Variants in RGS7 observed in about 807,000 individuals in gnomAD.
The protein encoded by RGS7 is regulator of G-protein signaling 7.
Under a neutral mutation model 81.1 loss-of-function variants are expected in RGS7, and 27 were observed. The ratio of observed to expected loss-of-function variants is 0.33; its 90% CI spans 0.25 to 0.46. RGS7 has a LOEUF of 0.46. Ranked by LOEUF, RGS7 falls within the 20% of genes least tolerant of loss-of-function variation. The pLI is 1.00. For missense variants in RGS7, 396 were observed against 607.4 expected (o/e 0.65, Z 3.66); for synonymous variants, 208 against 207.7 (o/e 1.00, Z -0.01).
At chr1:241,274,745 T>C (rs1278728942) in intron 2 of RGS7, among the ~76,000 whole-genome samples, 1 of 152,186 alleles carries the variant, frequency 6.6e-6, no homozygotes, top group Non-Finnish European at 1.5e-5. Flanking sequence ...TTACGGCCCA[T>C]GGAAATGCCC....
rs1044470863 is a variant in RGS7, at chr1:241,227,415, G to A, written c.78+128284C>T. ...CTCTGAGGCGGCAGGCAATTGGTAC[G>A]GAGCCTGAAAGCCCAGGACAAAGTT... On this transcript the variant is annotated intron_variant, in intron 2 of 18. Transcript: ENST00000440928. 7.2e-5 allele frequency among the ~76,000 whole-genome samples: 11 copies of A among 151,920 alleles called. No individual in the cohort carries two copies. In the East Asian group the frequency reaches 7.7e-4, roughly 11 times the overall value.
chr1:241,136,206 A>G (rs2067504584), intron 2 of RGS7, among the ~76,000 whole-genome samples: 1 of 152,202 alleles, frequency 6.6e-6, no homozygotes, highest in Non-Finnish European at 1.5e-5. Context: ...TCAATTAAAA[A>G]ACATGTATAG....
intron 2 of RGS7, among the ~76,000 whole-genome samples, chr1:241,303,142 G>C (rs1254842835): frequency 4.6e-5 from 7 of 152,142 alleles, no homozygotes; most frequent in Non-Finnish European, 1.0e-4. Context: ...TTGCGTCCCT[G>C]CCCAAAGTTC....
chr1:241,055,186 G>A (rs1415923788), intron 3 of RGS7, among the ~76,000 whole-genome samples: 3 of 152,210 alleles, frequency 2.0e-5, no homozygotes, highest in Non-Finnish European at 4.4e-5. Context: ...GCAGACATCA[G>A]TTGGATGTCC....
chr1:241,005,013 C>A (rs1014642978), intron 3 of RGS7, among the ~76,000 whole-genome samples: 1 of 152,100 alleles, frequency 6.6e-6, no homozygotes. Context: ...GTGGTAAGTG[C>A]TAGGACAGAC....
intron 2 of RGS7, among the ~76,000 whole-genome samples, chr1:241,276,022 C>T (rs1360966995): frequency 6.6e-6 from 1 of 152,152 alleles, no homozygotes; most frequent in Non-Finnish European, 1.5e-5. Context: ...AAGTGCCATG[C>T]TAACAGATGA....
rs1031469184 is a variant in RGS7, at chr1:241,160,342, C to T, written c.79-61580G>A. Among the ~76,000 whole-genome samples the T allele has an allele frequency of 3.9e-5, 6 of 152,128 alleles. No homozygotes were observed. The South Asian group carries it at 1.2e-3, about 32-fold the overall frequency. On this transcript the variant is annotated intron_variant, in intron 2 of 18. Transcript: ENST00000440928. The stretch of plus-strand genomic sequence containing the variant: ...CTCACCTTCCTTACAAAATTCATGT[C>T]AGATGTTGAATAATAGACATTATTC...
chr1:241,046,006 CT>C (rs150907914), intron 3 of RGS7, among the ~76,000 whole-genome samples: 28,338 of 151,984 alleles, frequency 0.19, 2,952 homozygotes, highest in Non-Finnish European at 0.23. Flanking sequence ...GGCATTTAGA[CT>C]TTTTTTCTCT....
At chr1:240,795,560 T>A (rs1475712469) in intron 18 of RGS7, among the ~76,000 whole-genome samples, 1 of 152,234 alleles carries the variant, frequency 6.6e-6, no homozygotes, top group Non-Finnish European at 1.5e-5. Context: ...ACCAAGCAGT[T>A]CAATTTTTTA....
intron 9 of RGS7, among the ~76,000 whole-genome samples, chr1:240,863,874 G>A (rs1662724864): frequency 6.6e-6 from 1 of 152,126 alleles, no homozygotes; most frequent in African/African-American, 2.4e-5. Flanking sequence ...TATAAATACA[G>A]CTATATCCTC....
chr1:240,904,834 C>T (rs563990428), intron 6 of RGS7, among the ~76,000 whole-genome samples: 61 of 152,212 alleles, frequency 4.0e-4, no homozygotes, highest in South Asian at 3.7e-3. Flanking sequence ...GAATAAGGGA[C>T]AGTTCAGATC....
At chr1:241,195,173 G>A (rs1000456715) in intron 2 of RGS7, among the ~76,000 whole-genome samples, 3 of 152,132 alleles carry the variant, frequency 2.0e-5, no homozygotes, top group African/African-American at 7.2e-5. Flanking sequence ...AAAATTAATA[G>A]CATATTAAAT....
At position 240,775,950 on chromosome 1, in the gene RGS7, T is replaced by C. The variant is rs1218939387; in HGVS notation, c.*270A>G. ...AAAAGGAAGAGACACAGATCCAGCA[T>C]AGTAGAAGGAGAAAGAAAGCAGACA... On this transcript the variant is annotated 3_prime_UTR_variant, in exon 19 of 19. Coordinates refer to ENST00000440928, the MANE Select transcript of RGS7 (RefSeq NM_001364886.1). The C allele has an allele frequency of 2.8e-5, 16 of 578,842 alleles. No homozygotes were observed. The highest frequency in any genetic ancestry group is 2.0e-4 in the South Asian group (10 of 48,810). The allele number at this position is 578,842 out of a possible 1,614,324, so 35.9% of individuals were successfully genotyped here.
Position 240,868,506 on chromosome 1 carries a change from T to G in RGS7, c.609+81A>C. ...AGCGTGCATGGGGTCACTACAGTCT[T>G]TCACTTACTTTGGCAGGGCACCCCT... On this transcript the variant is annotated intron_variant, in intron 9 of 18. Coordinates refer to ENST00000440928, the MANE Select transcript of RGS7 (RefSeq NM_001364886.1). This position sits in a 1 kb window ranked among gnomAD's most constrained non-coding sequence, Gnocchi z 5.1. 1 of 1,214,018 alleles carries G rather than the reference T, an allele frequency of 8.2e-7. No homozygotes were observed. The highest frequency in any genetic ancestry group is 1.2e-6 in the Non-Finnish European group (1 of 818,072). The allele number at this position is 1,214,018 out of a possible 1,614,324, so 75.2% of individuals were successfully genotyped here. A position where few individuals can be genotyped will look rare whatever the true frequency, so the allele number is the denominator to read the frequency against.
At chr1:241,086,960 C>T (rs2063486648) in intron 3 of RGS7, among the ~76,000 whole-genome samples, 1 of 152,172 alleles carries the variant, frequency 6.6e-6, no homozygotes, top group African/African-American at 2.4e-5. Flanking sequence ...GCCTCTGACC[C>T]CAGGAACCTG....
intron 2 of RGS7, among the ~76,000 whole-genome samples, chr1:241,331,807 G>A (rs535877720): frequency 2.0e-4 from 30 of 152,278 alleles, no homozygotes; most frequent in African/African-American, 6.5e-4. Context: ...TTAGGGAGGC[G>A]TAAGGTGATT....
At chr1:240,894,148 GC>G (rs1450830285) in intron 6 of RGS7, among the ~76,000 whole-genome samples, 1 of 152,062 alleles carries the variant, frequency 6.6e-6, no homozygotes, top group East Asian at 1.9e-4. Context: ...CTTCATGAGT[GC>G]TTATACAATT....
intron 2 of RGS7, among the ~76,000 whole-genome samples, chr1:241,139,626 T>C (rs1400249511): frequency 3.3e-5 from 5 of 152,176 alleles, no homozygotes; most frequent in Admixed American, 3.3e-4. Flanking sequence ...CATCAGCAAG[T>C]GTGAGGGGGT....
At chr1:240,845,895 C>T (rs1658990401) in intron 9 of RGS7, among the ~76,000 whole-genome samples, 1 of 152,208 alleles carries the variant, frequency 6.6e-6, no homozygotes, top group Non-Finnish European at 1.5e-5. Flanking sequence ...TTCTCGATAA[C>T]TGACAAAGTC....
Sources: gnomAD v4.1 joint callset for allele counts (sites outside exome capture counted in the v4.1 genomes callset) on GRCh38, gnomAD v4.1.1 for gene constraint, Gnocchi (gnomAD v3.1) non-coding constraint, MANE v1.5 for transcripts, NCBI Gene and HGNC (gene_info 2026-07-23, HGNC 2026-07-21) for gene names.